FUCA1: variants seen among roughly 807,000 people sequenced by gnomAD.
The protein encoded by FUCA1 is tissue alpha-L-fucosidase.
Under a neutral mutation model 56.8 loss-of-function variants are expected in FUCA1, and 52 were observed. That is an observed-to-expected ratio of 0.92 (90% CI 0.73 to 1.15). The LOEUF is 1.15. Among genes scored for constraint, FUCA1 ranks in the 50% most tolerant of loss-of-function variants. FUCA1 has a pLI of 0.00. For synonymous variants in FUCA1, 230 were observed against 226.6 expected, an observed-to-expected ratio of 1.02 and a Z score of -0.14; for missense variants, 568 against 592.6, an observed-to-expected ratio of 0.96 and a Z score of 0.43.
At chr1:23,847,665 C>CT (rs1436142352) in intron 6 of FUCA1, among the ~76,000 whole-genome samples, 1 of 152,102 alleles carries the variant, frequency 6.6e-6, no homozygotes, top group African/African-American at 2.4e-5. Flanking sequence ...GATGCTGGTG[C>CT]TATGCTCTTG....
rs1429797997 is a variant in FUCA1, at chr1:23,846,095, G to A, written c.1239C>T (p.Pro413=). The A allele has an allele frequency of 6.2e-7, 1 of 1,613,490 alleles. No individual in the cohort carries two copies. The highest frequency in any genetic ancestry group is 1.7e-5 in the Admixed American group (1 of 59,998). ...TTACCTTTGTAGTTGAGGTAGTTAT[G>A]GGGGATTCAAGGTTTAAGACTCCAT... The part of the protein sequence containing the change: ...PENGVLNLES[P]ITTSTTKITM... Residue 413 remains proline (P), a synonymous_variant, in exon 7 of 8, where the codon CCC becomes CCT. Transcript: ENST00000374479.
rs59148830 is a variant in FUCA1 at position 23,867,346 on chromosome 1, C to G, written c.389+552G>C. ...AGAGTCAGACCCTTCCTGGACACTTCCTACGTAAAAGGGATTGAGAGGAGC... is the reference window on the plus strand; with the variant it reads ...AGAGTCAGACCCTTCCTGGACACTTGCTACGTAAAAGGGATTGAGAGGAGC... On this transcript the variant is annotated intron_variant, in intron 1 of 7. Transcript: ENST00000374479. This position sits in a 1 kb window ranked among gnomAD's most constrained non-coding sequence, Gnocchi z 4.9. Among the ~76,000 whole-genome samples, 1,414 of 152,286 alleles carry G rather than the reference C, an allele frequency of 9.3e-3. 25 individuals are homozygous for G. Among genetic ancestry groups the G allele is most frequent in the African/African-American group, 0.032 (1,345 of 41,554 alleles).
At chr1:23,864,845 C>T (rs1639590714) in intron 2 of FUCA1, among the ~76,000 whole-genome samples, 1 of 152,016 alleles carries the variant, frequency 6.6e-6, no homozygotes, top group Non-Finnish European at 1.5e-5. Flanking sequence ...GCTGGGACTA[C>T]AGGCAAACGC....
At position 23,854,506 on chromosome 1, in the gene FUCA1, C is replaced by A. The variant is rs752313616; in HGVS notation, c.823G>T (p.Gly275Ter). 6.2e-7 allele frequency: 1 copy of A among 1,614,048 alleles called. No individual in the cohort carries two copies. The highest frequency in any genetic ancestry group is 1.1e-5 in the South Asian group (1 of 91,072). ...WGQNCSCHHG[G>*]YYNCEDKFKP... is the part of the protein sequence containing the mutation. ...AATTTATCTTCACAGTTATAGTATCCTCCATGGTGACAGGAACAGTTCTGA... is the reference window on the plus strand; with the variant it reads ...AATTTATCTTCACAGTTATAGTATCATCCATGGTGACAGGAACAGTTCTGA... Residue 275 changes from glycine (G) to a stop codon, truncating the protein, a stop_gained, in exon 5 of 8, where the codon GGA (glycine) becomes TGA (stop). Transcript: ENST00000374479. LOFTEE classifies it high-confidence loss of function.
In FUCA1 at chr1:23,867,993, C is replaced by A. The variant is rs773469453; in HGVS notation, c.294G>T (p.Pro98=). 5.6e-6 allele frequency: 9 copies of A among 1,603,668 alleles called. No homozygotes were observed. The highest frequency in any genetic ancestry group is 7.7e-6 in the Non-Finnish European group (9 of 1,176,248). Reference sequence around the variant, plus strand: ...CGAAGTCGGCGTAGCTGAAGCCGGGCGGGTAGTTGTCGCGCATGAAGCGCT... The same window carrying A: ...CGAAGTCGGCGTAGCTGAAGCCGGGAGGGTAGTTGTCGCGCATGAAGCGCT... The part of the protein sequence containing the change: ...QYQRFMRDNY[P]PGFSYADFGP... The change falls in exon 1 of 8, where the codon CCG becomes CCT. Residue 98 remains proline, a synonymous_variant. Coordinates refer to ENST00000374479, the MANE Select transcript of FUCA1 (RefSeq NM_000147.5). The surrounding 1 kb of genome is among the most constrained non-coding windows in gnomAD (Gnocchi z 4.9).
At chr1:23,866,376 C>A (rs1242401811) in intron 1 of FUCA1, among the ~76,000 whole-genome samples, 1 of 152,208 alleles carries the variant, frequency 6.6e-6, no homozygotes, top group Non-Finnish European at 1.5e-5. Flanking sequence ...ACCAAGCCTA[C>A]ATAAATTGCC....
chr1:23,847,625 T>C (rs1639169549), intron 6 of FUCA1, among the ~76,000 whole-genome samples: 2 of 152,140 alleles, frequency 1.3e-5, no homozygotes, highest in South Asian at 4.1e-4. Context: ...TCCCCAACCA[T>C]GTCATGATGT....
intron 5 of FUCA1, among the ~76,000 whole-genome samples, chr1:23,853,807 G>A (rs1639332164): frequency 6.6e-6 from 1 of 151,866 alleles, no homozygotes; most frequent in African/African-American, 2.4e-5. Context: ...GTCCACTCAG[G>A]GTTAAATGGA....
At position 23,865,499 on chromosome 1, in the gene FUCA1, G is replaced by A. The variant is rs752715443; in HGVS notation, c.516C>T (p.Leu172=). Residue 172 remains leucine, a synonymous_variant, in exon 2 of 8, where the codon CTC becomes CTT. Transcript: ENST00000374479. ...CATCCCTGGACACTCACCTCTTCCGGAGAGCTGTTCCCAATTCACCAACCA... is the reference window on the plus strand; with the variant it reads ...CATCCCTGGACACTCACCTCTTCCGAAGAGCTGTTCCCAATTCACCAACCA... The part of the protein sequence containing the change: ...RDLVGELGTA[L]RKRNIRYGLY... 6.2e-7 allele frequency: 1 copy of A among 1,614,184 alleles called. No individual in the cohort carries two copies. Among genetic ancestry groups the A allele is most frequent in the Admixed American group, 1.7e-5 (1 of 60,024 alleles).
Position 23,848,583 on chromosome 1 carries a change from C to A in FUCA1, c.1160+66G>T, listed in dbSNP as rs981056970. The A allele has an allele frequency of 6.7e-6, 10 of 1,487,628 alleles. No individual in the cohort carries two copies. The African/African-American group carries it at 1.4e-4, about 21-fold the overall frequency. The allele number at this position is 1,487,628 out of a possible 1,614,324, so 92.2% of individuals were successfully genotyped here. ...AGCCTGGCTTGTGACATTGTGGACC[C>A]AAGGAGATACCAGTTCCGGATGGGG... On this transcript the variant is annotated intron_variant, in intron 6 of 7. Transcript: ENST00000374479.
At chr1:23,865,674 C>T (rs112192936) in intron 1 of FUCA1, 49 bp from the exon 2 acceptor site, 2 of 1,611,856 alleles carry the variant, frequency 1.2e-6, no homozygotes, top group African/African-American at 1.3e-5. Flanking sequence ...AGTGAACTTG[C>T]ATGAACTTGC....
chr1:23,854,840 C>A (rs1639358962), intron 4 of FUCA1, among the ~76,000 whole-genome samples: 1 of 152,070 alleles, frequency 6.6e-6, no homozygotes, highest in Non-Finnish European at 1.5e-5. Context: ...AATATTCAGC[C>A]CTAAATGTCA....
chr1:23,862,718 A>T (rs1364864222), intron 3 of FUCA1, among the ~76,000 whole-genome samples: 1 of 152,238 alleles, frequency 6.6e-6, no homozygotes, highest in Non-Finnish European at 1.5e-5. Flanking sequence ...CAAAGAAGGC[A>T]TTATTATCCC....
Position 23,848,527 on chromosome 1 carries a change from TAACC to T in FUCA1, c.1160+118_1160+121del, listed in dbSNP as rs1420816487. ...ATGGGGTACAAATTTTATAGGAAAA[TAACC>T]TTCTGGATTTTCTCAAGGCAACTTC... On this transcript the variant is annotated intron_variant, in intron 6 of 7. Transcript: ENST00000374479. The T allele has an allele frequency of 4.3e-6, 4 of 920,312 alleles. No individual in the cohort carries two copies. In the African/African-American group the frequency reaches 6.5e-5, roughly 15 times the overall value. 57.0% of individuals were successfully genotyped at this position (920,312 alleles called of 1,614,324 possible).
intron 3 of FUCA1, among the ~76,000 whole-genome samples, chr1:23,862,320 C>T (rs1391281015): frequency 6.6e-6 from 1 of 152,202 alleles, no homozygotes; most frequent in African/African-American, 2.4e-5. Flanking sequence ...TATGCACCAG[C>T]ATGCCTGGCC....
Position 23,863,174 on chromosome 1 carries a change from T to C in FUCA1, c.622A>G (p.Ser208Gly). 6.2e-7 allele frequency: 1 copy of C among 1,614,068 alleles called. No homozygotes were observed. Among genetic ancestry groups the C allele is most frequent in the Non-Finnish European group, 8.5e-7 (1 of 1,180,024 alleles). The change falls in exon 3 of 8, where the codon AGT (serine) becomes GGT (glycine). Residue 208 changes from serine (S) to glycine (G), a missense_variant. Transcript: ENST00000374479. ...KNGFKTQHFV[S>G]AKTMPELYDL... ...TACAGCTCTGGCATTGTTTTTGCAC[T>C]GACAAAATGCTGTGTTTTGAAGCCA...
At chr1:23,853,390 TG>T (rs1296455718) in intron 5 of FUCA1, among the ~76,000 whole-genome samples, 4 of 135,480 alleles carry the variant, frequency 3.0e-5, no homozygotes, top group Non-Finnish European at 4.7e-5. Context: ...GGGAGGGAGG[TG>T]GGGGGGTCAG....
At position 23,867,589 on chromosome 1, in the gene FUCA1, G is replaced by T; in HGVS notation, c.389+309C>A. On this transcript the variant is annotated intron_variant, in intron 1 of 7. Transcript: ENST00000374479. This position sits in a 1 kb window ranked among gnomAD's most constrained non-coding sequence, Gnocchi z 4.9. The stretch of plus-strand genomic sequence containing the variant: ...CACTGATTTGAAACCCTGGAGTCCT[G>T]ATAGTGCTGTCAATCTGAAAGGGAC... 1 of 390,298 alleles carries T rather than the reference G, an allele frequency of 2.6e-6. No individual in the cohort carries two copies. Among genetic ancestry groups the T allele is most frequent in the Non-Finnish European group, 3.5e-6 (1 of 286,006 alleles). 24.2% of individuals were successfully genotyped at this position (390,298 alleles called of 1,614,324 possible).
At position 23,846,183 on chromosome 1, in the gene FUCA1, C is replaced by G; in HGVS notation, c.1161-10G>C. 6.4e-7 allele frequency: 1 copy of G among 1,569,704 alleles called. No homozygotes were observed. On this transcript the variant is annotated splice_polypyrimidine_tract_variant and intron_variant, in intron 6 of 7. Transcript: ENST00000374479. ...TCCCTTTGAGGTATACCTGGGAAAA[C>G]AGAAACAACACTGTCAAAGATACCT...
Sources: allele counts gnomAD v4.1 joint callset (sites outside exome capture counted in the v4.1 genomes callset), GRCh38; gene constraint gnomAD v4.1.1; non-coding constraint Gnocchi (gnomAD v3.1); transcripts MANE v1.5; gene names NCBI Gene and HGNC (gene_info 2026-07-23, HGNC 2026-07-21).